The following F5 variants were observed in gnomAD, a reference collection of about 807,000 sequenced individuals.
F5 encodes the protein coagulation factor V.
Under a neutral mutation model 216.4 loss-of-function variants are expected in F5, and 138 were observed. The observed-to-expected ratio is 0.64, with a 90% CI of 0.56 to 0.73. The LOEUF is 0.73. Ranked by LOEUF, F5 falls within the 30% of genes least tolerant of loss-of-function variation. The probability of loss-of-function intolerance (pLI) is 0.00; values close to 1 mark genes in which losing one functional copy is unlikely to be tolerated. For synonymous variants in F5, 916 were observed against 930.7 expected, an observed-to-expected ratio of 0.98 and a Z score of 0.29; for missense variants, 2,403 against 2,674.0, an observed-to-expected ratio of 0.90 and a Z score of 2.24.
At chr1:169,577,029 C>G (rs1660866641) in intron 2 of F5, among the ~76,000 whole-genome samples, 1 of 152,132 alleles carries the variant, frequency 6.6e-6, no homozygotes, top group Non-Finnish European at 1.5e-5. Flanking sequence ...TGTAGGAAAA[C>G]ACATGGCTAA....
intron 17 of F5, among the ~76,000 whole-genome samples, chr1:169,526,363 CAT>C (rs1260834224): frequency 6.6e-6 from 1 of 152,130 alleles, no homozygotes; most frequent in African/African-American, 2.4e-5. Flanking sequence ...AAATATCATA[CAT>C]GTTTCCTTTC....
At chr1:169,583,491 G>T (rs532402450) in intron 1 of F5, among the ~76,000 whole-genome samples, 8 of 152,172 alleles carry the variant, frequency 5.3e-5, no homozygotes, top group Non-Finnish European at 1.2e-4. Context: ...ACCTCTTATT[G>T]TTTTACTTTG....
At chr1:169,551,960 T>C (rs1014518086) in intron 8 of F5, among the ~76,000 whole-genome samples, 65 of 152,322 alleles carry the variant, frequency 4.3e-4, no homozygotes, top group Admixed American at 1.4e-3. Context: ...TAAAAATTGT[T>C]TCTATTCAAT....
intron 14 of F5, among the ~76,000 whole-genome samples, chr1:169,533,444 T>C (rs901504837): frequency 2.0e-5 from 3 of 152,168 alleles, no homozygotes; most frequent in African/African-American, 7.2e-5. Flanking sequence ...CAAAAGAAGC[T>C]ATCTACAGAG....
In F5 at chr1:169,514,382, A is replaced by G; in HGVS notation, c.6606T>C (p.Arg2202=). ...TTTGATTCCATGTTTTAGGAATGAC[A>G]CGGATAAACCTGGAAATGATTGGGG... ...FNPPIISRFI[R]VIPKTWNQSI... is the part of the protein sequence containing the mutation. Residue 2202 remains arginine, a synonymous_variant, in exon 25 of 25, where the codon CGT becomes CGC. Coordinates refer to ENST00000367797, the MANE Select transcript of F5 (RefSeq NM_000130.5). 1.2e-6 allele frequency: 2 copies of G among 1,613,264 alleles called. No individual in the cohort carries two copies. The highest frequency in any genetic ancestry group is 1.7e-6 in the Non-Finnish European group (2 of 1,179,404).
intron 1 of F5, among the ~76,000 whole-genome samples, chr1:169,583,664 A>G (rs927894956): frequency 1.3e-5 from 2 of 152,244 alleles, no homozygotes; most frequent in African/African-American, 2.4e-5. Flanking sequence ...TTAGCTAGTA[A>G]TATTATTTTG....
At position 169,515,676 on chromosome 1, in the gene F5, C is replaced by CT. The variant is rs71869143; in HGVS notation, c.6346-51dup. 5.7e-4 allele frequency: 900 copies of CT among 1,572,690 alleles called. 4 individuals are homozygous for CT. In the African/African-American group the frequency reaches 8.2e-3, roughly 14 times the overall value. On this transcript the variant is annotated intron_variant, in intron 23 of 24. Coordinates refer to ENST00000367797, the MANE Select transcript of F5 (RefSeq NM_000130.5). Reference sequence around the variant, plus strand: ...GATAAGGAAGATGTTAAAACCTTTGCTTTTTTTTTAGACCAAGTTATGCAA... The same window carrying CT: ...GATAAGGAAGATGTTAAAACCTTTGCTTTTTTTTTTAGACCAAGTTATGCAA...
chr1:169,536,929 A>T (rs1659718191), intron 13 of F5, among the ~76,000 whole-genome samples: 1 of 151,936 alleles, frequency 6.6e-6, no homozygotes. Flanking sequence ...TCTCTATATC[A>T]ATTTCTCATA....
At chr1:169,532,294 T>C (rs1169353686) in intron 14 of F5, among the ~76,000 whole-genome samples, 2 of 152,100 alleles carry the variant, frequency 1.3e-5, no homozygotes, top group Non-Finnish European at 2.9e-5. Context: ...GAACAAGACA[T>C]GGATGCCCAA....
chr1:169,550,768 G>GA (rs1459870447), intron 8 of F5, 29 bp from the exon 9 acceptor site: 2 of 1,507,132 alleles, frequency 1.3e-6, no homozygotes, highest in Non-Finnish European at 9.2e-7. Context: ...TTTATTCTAG[G>GA]ATTTAAGGTT....
At chr1:169,525,819 A>G in intron 18 of F5, 82 bp downstream of exon 18, 1 of 995,054 alleles carries the variant, frequency 1.0e-6, no homozygotes, top group East Asian at 2.4e-5. Flanking sequence ...TTAGAGTTGA[A>G]TATTTCCAAT....
chr1:169,571,050 T>C (rs61805804), intron 3 of F5, among the ~76,000 whole-genome samples: 2 of 138,514 alleles, frequency 1.4e-5, no homozygotes, highest in African/African-American at 5.1e-5. Context: ...GAAGGAAAGA[T>C]ATTTAAATGT....
In F5 at chr1:169,541,103, G is replaced by C. The variant is rs766313707; in HGVS notation, c.3987C>G (p.Thr1329=). Residue 1329 remains threonine (T), a synonymous_variant, in exon 13 of 25, where the codon ACC becomes ACG. Coordinates refer to ENST00000367797, the MANE Select transcript of F5 (RefSeq NM_000130.5). ...TTGTCTGGCTGAAGTCTAGAGAAAG[G>C]GTTGTATGGCTGAGGTCTGGAGAAA... is the stretch of plus-strand genomic sequence containing the variant. The part of the protein sequence containing the change: ...MPISPDLSHT[T]LSLDFSQTNL... 8 of 1,587,556 alleles carry C rather than the reference G, an allele frequency of 5.0e-6. No homozygotes were observed. The highest frequency in any genetic ancestry group is 6.9e-6 in the Non-Finnish European group (8 of 1,165,922).
At chr1:169,583,943 G>T (rs1298691471) in intron 1 of F5, among the ~76,000 whole-genome samples, 1 of 152,152 alleles carries the variant, frequency 6.6e-6, no homozygotes, top group African/African-American at 2.4e-5. Flanking sequence ...AAAAGTAGAA[G>T]GTTAAAGCGT....
Position 169,560,639 on chromosome 1 carries a change from G to A in F5, c.501C>T (p.Cys167=). The A allele has an allele frequency of 1.2e-6, 2 of 1,613,792 alleles. No individual in the cohort carries two copies. The highest frequency in any genetic ancestry group is 1.7e-6 in the Non-Finnish European group (2 of 1,179,814). Reference sequence around the variant, plus strand: ...CATGGGAGTAATAGATGTGTGTGAGGCATGGAGGGTCATCATGGGTGGGTC... The same window carrying A: ...CATGGGAGTAATAGATGTGTGTGAGACATGGAGGGTCATCATGGGTGGGTC... ...DSGPTHDDPP[C]LTHIYYSHEN... is the part of the protein sequence containing the mutation. Residue 167 remains cysteine, a synonymous_variant, in exon 4 of 25, where the codon TGC becomes TGT. Transcript: ENST00000367797.
intron 16 of F5, 97 bp from the exon 17 acceptor site, chr1:169,528,191 C>A: frequency 6.9e-7 from 1 of 1,459,306 alleles, no homozygotes; most frequent in South Asian, 1.2e-5. Context: ...CACCCATGTT[C>A]CTCATGATTC....
At chr1:169,525,577 C>T (rs1479216984) in intron 18 of F5, among the ~76,000 whole-genome samples, 1 of 152,154 alleles carries the variant, frequency 6.6e-6, no homozygotes, top group Non-Finnish European at 1.5e-5. Flanking sequence ...TTTAGTGACT[C>T]AGTCATTGTT....
intron 10 of F5, among the ~76,000 whole-genome samples, chr1:169,549,483 C>T (rs1438336197): frequency 7.9e-5 from 12 of 152,170 alleles, no homozygotes; most frequent in Admixed American, 7.9e-4. Flanking sequence ...GGTTATTACC[C>T]ATTTGATAAA....
At chr1:169,523,934 C>A in intron 19 of F5, 30 bp from the exon 20 acceptor site, 1 of 1,580,710 alleles carries the variant, frequency 6.3e-7, no homozygotes, top group Non-Finnish European at 8.7e-7. Flanking sequence ...AAGATTTATT[C>A]TGAATTTTTT....
Sources: allele counts gnomAD v4.1 joint callset (sites outside exome capture counted in the v4.1 genomes callset), GRCh38; gene constraint gnomAD v4.1.1; transcripts MANE v1.5; gene names NCBI Gene and HGNC (gene_info 2026-07-23, HGNC 2026-07-21).